The following C1RL variants were observed in gnomAD, a reference collection of about 807,000 sequenced individuals.
C1RL encodes complement C1r subcomponent like.
A neutral mutation model predicts 27.9 loss-of-function variants in C1RL; 27 were observed. That is an observed-to-expected ratio of 0.97 (90% confidence interval 0.71 to 1.33). The LOEUF (loss-of-function observed/expected upper bound fraction) is 1.33. C1RL is among the 40% of genes most tolerant of loss of function. The pLI is 0.00. For synonymous variants in C1RL, 248 were observed against 252.1 expected, an observed-to-expected ratio of 0.98 and a Z score of 0.15; for missense variants, 563 against 623.9, an observed-to-expected ratio of 0.90 and a Z score of 1.04.
intron 5 of C1RL, among the ~76,000 whole-genome samples, chr12:7,099,057 A>T (rs1938533959): frequency 7.1e-6 from 1 of 141,692 alleles, no homozygotes; most frequent in Admixed American, 7.2e-5. Flanking sequence ...AAAAAAAAAA[A>T]TAAAATAAAA....
rs74323236 is a variant in C1RL, at chr12:7,096,590, A to G, written c.1265T>C (p.Val422Ala). The G allele has an allele frequency of 1.4e-4, 222 of 1,613,998 alleles. No individual in the cohort carries two copies. The highest frequency in any genetic ancestry group is 1.7e-4 in the Non-Finnish European group (206 of 1,179,990). Residue 422 changes from valine (V) to alanine (A), a missense_variant, in exon 6 of 6, where the codon GTT becomes GCT. Transcript: ENST00000266542. Reference protein sequence around the residue: ...PEVFSDNMFCVGDETQRHSVC... With the variant: ...PEVFSDNMFCAGDETQRHSVC... ...ACTGTGCCTTTGCGTCTCATCCCCA[A>G]CACAGAACATATTGTCAGAAAACAC...
intron 3 of C1RL, chr12:7,101,681 G>A: frequency 1.8e-6 from 1 of 563,028 alleles, no homozygotes; most frequent in Non-Finnish European, 3.2e-6. Flanking sequence ...GCAAACACTG[G>A]GCCTGTAAAT....
intron 2 of C1RL, among the ~76,000 whole-genome samples, chr12:7,102,874 A>G (rs1009149212): frequency 6.6e-6 from 1 of 152,118 alleles, no homozygotes; most frequent in Non-Finnish European, 1.5e-5. Flanking sequence ...GGAAGGGGCC[A>G]TGCTTCCTGC....
Position 7,108,410 on chromosome 12 carries a change from C to A in C1RL, c.141G>T (p.Glu47Asp). 6.2e-7 allele frequency: 1 copy of A among 1,613,912 alleles called. No individual in the cohort carries two copies. Residue 47 changes from glutamate (E) to aspartate (D), a missense_variant, in exon 2 of 6, where the codon GAG becomes GAT. Coordinates refer to ENST00000266542, the MANE Select transcript of C1RL (RefSeq NM_016546.4). ...CGGGGGATGTCAGCTGCTGGGGTAGCTCTTGGGCCAAGAGGACGGAGCCCC... is the reference window on the plus strand; with the variant it reads ...CGGGGGATGTCAGCTGCTGGGGTAGATCTTGGGCCAAGAGGACGGAGCCCC... ...PTRGSVLLAQ[E>D]LPQQLTSPGY...
chr12:7,100,355 C>G (rs1391647852), intron 3 of C1RL, among the ~76,000 whole-genome samples: 3 of 152,130 alleles, frequency 2.0e-5, no homozygotes, highest in African/African-American at 7.2e-5. Flanking sequence ...AAAATTTAGT[C>G]TAAAGATATT....
In C1RL at chr12:7,095,980, C is replaced by CAATGA. The variant is rs1003703618; in HGVS notation, c.*406_*410dup. On this transcript the variant is annotated 3_prime_UTR_variant, in exon 6 of 6. Transcript: ENST00000266542. ...TTAGGAATGTTTCAGAAATGCAATG[C>CAATGA]AATGAAAACCCCTTCCTCCATACTC... 16 of 997,750 alleles carry CAATGA rather than the reference C, an allele frequency of 1.6e-5. No homozygotes were observed. The highest frequency in any genetic ancestry group is 1.7e-5 in the African/African-American group (1 of 57,654). The allele number at this position is 997,750 out of a possible 1,614,324, so 61.8% of individuals were successfully genotyped here. A position where few individuals can be genotyped will look rare whatever the true frequency, so the allele number is the denominator to read the frequency against.
chr12:7,095,384 GATTACA>G lies in C1RL; in HGVS notation c.*1001_*1006del. ...CCACCTCGGACTCCTAAGGTGTTGG[GATTACA>G]GGCGTGAGCCACTGCGCCCGGCCCA... On this transcript the variant is annotated 3_prime_UTR_variant, in exon 6 of 6. Coordinates refer to ENST00000266542, the MANE Select transcript of C1RL (RefSeq NM_016546.4). 1 of 1,016,624 alleles carries G rather than the reference GATTACA, an allele frequency of 9.8e-7. No individual in the cohort carries two copies. The highest frequency in any genetic ancestry group is 1.2e-6 in the Non-Finnish European group (1 of 846,522). The allele number at this position is 1,016,624 out of a possible 1,614,324, so 63.0% of individuals were successfully genotyped here.
At chr12:7,099,024 T>A (rs1365218762) in intron 5 of C1RL, among the ~76,000 whole-genome samples, 2 of 145,934 alleles carry the variant, frequency 1.4e-5, no homozygotes, top group Non-Finnish European at 3.0e-5. Context: ...GGTGAAACCC[T>A]GTCTCTACTA....
In C1RL at chr12:7,096,734, TAG is replaced by T; in HGVS notation, c.1119_1120del (p.Tyr374ArgfsTer14). ...CATCTCCATGCCAAACCCACTGACGTAGCCCAACAAGCCGCTGCGGTAGAGGG... is the reference window on the plus strand; with the variant it reads ...CATCTCCATGCCAAACCCACTGACGTCCCAACAAGCCGCTGCGGTAGAGGG... On this transcript the variant is annotated frameshift_variant, in exon 6 of 6. Coordinates refer to ENST00000266542, the MANE Select transcript of C1RL (RefSeq NM_016546.4). LOFTEE classifies it low-confidence loss of function (END_TRUNC). 1 of 1,613,056 alleles carries T rather than the reference TAG, an allele frequency of 6.2e-7. No homozygotes were observed. The highest frequency in any genetic ancestry group is 8.5e-7 in the Non-Finnish European group (1 of 1,179,338).
At position 7,096,141 on chromosome 12, in the gene C1RL, A is replaced by T. The variant is rs1053259380; in HGVS notation, c.*250T>A. The T allele has an allele frequency of 2.1e-5, 27 of 1,278,944 alleles. No individual in the cohort carries two copies. Among genetic ancestry groups the T allele is most frequent in the Non-Finnish European group, 2.6e-5 (26 of 1,013,180 alleles). The allele number at this position is 1,278,944 out of a possible 1,614,324, so 79.2% of individuals were successfully genotyped here. ...GTACAGGCTTCCCGGGGCCTAGTGC[A>T]TGAGCACAGGGAGGTAGAGGGTGAG... is the stretch of plus-strand genomic sequence containing the variant. On this transcript the variant is annotated 3_prime_UTR_variant, in exon 6 of 6. Transcript: ENST00000266542.
At position 7,097,257 on chromosome 12, in the gene C1RL, G is replaced by A. The variant is rs1353709139; in HGVS notation, c.692-94C>T. On this transcript the variant is annotated intron_variant, in intron 5 of 5. Transcript: ENST00000266542. ...TCTCTGAAGTGCTGTGGTAGGGGAC[G>A]CGTGAAGAGACTCTGGGATCAGGAC... 8 of 1,141,514 alleles carry A rather than the reference G, an allele frequency of 7.0e-6. No homozygotes were observed. The African/African-American group carries it at 1.3e-4, about 18-fold the overall frequency. The allele number at this position is 1,141,514 out of a possible 1,614,324, so 70.7% of individuals were successfully genotyped here.
rs981888305 is a variant in C1RL, at chr12:7,095,701, G to C, written c.*690C>G. ...GGTTGAGAAGTATTGCAGCACACTGGGAAGAGCACAGTCTCTGCAGTCACA... is the reference window on the plus strand; with the variant it reads ...GGTTGAGAAGTATTGCAGCACACTGCGAAGAGCACAGTCTCTGCAGTCACA... On this transcript the variant is annotated 3_prime_UTR_variant, in exon 6 of 6. Coordinates refer to ENST00000266542, the MANE Select transcript of C1RL (RefSeq NM_016546.4). The C allele has an allele frequency of 1.1e-5, 10 of 948,678 alleles. No homozygotes were observed. In the African/African-American group the frequency reaches 1.8e-4, roughly 17 times the overall value. 58.8% of individuals were successfully genotyped at this position (948,678 alleles called of 1,614,324 possible). A position where few individuals can be genotyped will look rare whatever the true frequency, so the allele number is the denominator to read the frequency against.
intron 2 of C1RL, among the ~76,000 whole-genome samples, chr12:7,107,661 A>G (rs1938804255): frequency 6.6e-6 from 1 of 152,120 alleles, no homozygotes; most frequent in African/African-American, 2.4e-5. Flanking sequence ...GGGTCTTGCT[A>G]TGTTGCTTAG....
In C1RL at chr12:7,108,337, T is replaced by G. The variant is rs747136912; in HGVS notation, c.214A>C (p.Lys72Gln). The G allele has an allele frequency of 1.9e-6, 3 of 1,614,230 alleles. No homozygotes were observed. The change falls in exon 2 of 6, where the codon AAG becomes CAG. Residue 72 changes from lysine to glutamine, a missense_variant. By Grantham distance (53) the Lys-to-Gln change is moderately conservative. Coordinates refer to ENST00000266542, the MANE Select transcript of C1RL (RefSeq NM_016546.4). ...CTCACAGCAAAGCCCTCTGGAGCCT[T>G]GATGTCCGTGCTGCTCTCTTGGCCT... ...GKGQESSTDI[K>Q]APEGFAVRLV...
chr12:7,101,687 T>C (rs993291454), intron 3 of C1RL: 5 of 572,104 alleles, frequency 8.7e-6, no homozygotes, highest in Non-Finnish European at 1.3e-5. Context: ...ACTGGGCCTG[T>C]AAATCTGCAT....
At chr12:7,101,768 G>C (rs1321531874) in intron 3 of C1RL, 130 bp downstream of exon 3, 18 of 958,320 alleles carry the variant, frequency 1.9e-5, no homozygotes, top group Non-Finnish European at 2.8e-5. Flanking sequence ...GGCAGGGCTG[G>C]GATCCAGCCC....
intron 5 of C1RL, 159 bp from the exon 6 acceptor site, chr12:7,097,322 G>C (rs1938479553): frequency 1.5e-6 from 1 of 651,364 alleles, no homozygotes; most frequent in Non-Finnish European, 2.5e-6. Context: ...CGCTCTTGTT[G>C]CCCAGACTGG....
rs778365348 is a variant in C1RL at position 7,108,231 on chromosome 12, C to G, written c.300+20G>C. The G allele has an allele frequency of 6.4e-6, 10 of 1,569,112 alleles. No individual in the cohort carries two copies. The Admixed American group carries it at 1.1e-4, about 17-fold the overall frequency. ...TCCCTGGCCACAGTCCTGGCGGGACCCCCCCCATCCCCAGCTCACTGTGAC... is the reference window on the plus strand; with the variant it reads ...TCCCTGGCCACAGTCCTGGCGGGACGCCCCCCATCCCCAGCTCACTGTGAC... On this transcript the variant is annotated intron_variant, in intron 2 of 5. Coordinates refer to ENST00000266542, the MANE Select transcript of C1RL (RefSeq NM_016546.4).
At chr12:7,109,011 T>TGTGTGTGTGTGTGTGTGTGTGTG in intron 1 of C1RL, 99 bp downstream of exon 1, 1 of 325,994 alleles carries the variant, frequency 3.1e-6, no homozygotes, top group Non-Finnish European at 5.5e-6. Flanking sequence ...GATGTGTGTG[T>TGTGTGTGTGTGTGTGTGTGTGTG]GGGGGGGGTA....
Sources: gnomAD v4.1 joint callset for allele counts (sites outside exome capture counted in the v4.1 genomes callset) on GRCh38, gnomAD v4.1.1 for gene constraint, MANE v1.5 for transcripts, NCBI Gene and HGNC (gene_info 2026-07-23, HGNC 2026-07-21) for gene names.